Variants in ADGRB3 observed in about 807,000 individuals in gnomAD.
The protein encoded by ADGRB3 is brain-specific angiogenesis inhibitor 3.
A neutral mutation model predicts 193.4 loss-of-function variants in ADGRB3; 37 were observed. That is an observed-to-expected ratio of 0.19 (90% CI 0.15 to 0.25). The LOEUF is 0.25. Among genes scored for constraint, ADGRB3 ranks in the 10% least tolerant of loss-of-function variants. The pLI is 1.00. For synonymous variants in ADGRB3, 690 were observed against 644.2 expected (o/e 1.07, Z -1.08); for missense variants, 1,637 against 1,852.9 (o/e 0.88, Z 2.14).
chr6:68,901,415 A>G (rs58261635), intron 3 of ADGRB3, among the ~76,000 whole-genome samples: 70,719 of 151,920 alleles, frequency 0.47, 16,788 homozygotes, highest in African/African-American at 0.54. Context: ...AAGAATCCAC[A>G]GTCTTTTTAT....
chr6:69,011,167 G>GTGTGTA (rs531482642), intron 11 of ADGRB3, among the ~76,000 whole-genome samples: 6,830 of 142,890 alleles, frequency 0.048, 168 homozygotes, highest in Middle Eastern at 0.058. Flanking sequence ...GTGTGTGTGT[G>GTGTGTA]TATATATATA....
At chr6:69,211,245 C>T (rs974908633) in intron 17 of ADGRB3, among the ~76,000 whole-genome samples, 1 of 152,132 alleles carries the variant, frequency 6.6e-6, no homozygotes, top group Non-Finnish European at 1.5e-5. Flanking sequence ...GGTCGGCAAC[C>T]TATAGCTGGG....
chr6:68,862,333 C>T (rs1024701047), intron 3 of ADGRB3, among the ~76,000 whole-genome samples: 3 of 152,100 alleles, frequency 2.0e-5, no homozygotes, highest in African/African-American at 7.2e-5. Context: ...ATGTCTCTCA[C>T]TCACATTGGT....
intron 3 of ADGRB3, among the ~76,000 whole-genome samples, chr6:68,792,224 A>T (rs1319360152): frequency 1.3e-5 from 2 of 152,218 alleles, no homozygotes; most frequent in Non-Finnish European, 2.9e-5. Context: ...AAAGAAGTCT[A>T]GGTATAGACA....
chr6:68,822,551 G>A (rs1767765962), intron 3 of ADGRB3, among the ~76,000 whole-genome samples: 2 of 151,924 alleles, frequency 1.3e-5, no homozygotes, highest in African/African-American at 2.4e-5. Flanking sequence ...CTGAAGGCCA[G>A]TATTCCTATT....
intron 20 of ADGRB3, among the ~76,000 whole-genome samples, chr6:69,254,719 T>G (rs946009772): frequency 3.9e-5 from 6 of 151,938 alleles, no homozygotes; most frequent in Non-Finnish European, 2.9e-5. Flanking sequence ...TTTTTTTTAT[T>G]ATTATAATTT....
chr6:69,173,392 T>G (rs943483230), intron 17 of ADGRB3, among the ~76,000 whole-genome samples: 2 of 152,246 alleles, frequency 1.3e-5, no homozygotes, highest in Non-Finnish European at 1.5e-5. Context: ...CCACTGATTT[T>G]TCTTTTTTAA....
At chr6:68,701,936 G>A (rs149713532) in intron 3 of ADGRB3, among the ~76,000 whole-genome samples, 212 of 152,144 alleles carry the variant, frequency 1.4e-3, no homozygotes, top group Admixed American at 4.1e-3. Flanking sequence ...GATTTTTTTG[G>A]TGATTTATTT....
chr6:69,030,305 A>G (rs1225114940), intron 13 of ADGRB3, among the ~76,000 whole-genome samples: 1 of 152,162 alleles, frequency 6.6e-6, no homozygotes, highest in African/African-American at 2.4e-5. Context: ...CTATAAAGAC[A>G]CATGCACACA....
At chr6:68,646,357 A>G (rs1246621153) in intron 3 of ADGRB3, among the ~76,000 whole-genome samples, 8 of 151,666 alleles carry the variant, frequency 5.3e-5, no homozygotes, top group Non-Finnish European at 2.9e-5. Context: ...CATGCCTGCA[A>G]TCCCGACTTC....
intron 20 of ADGRB3, among the ~76,000 whole-genome samples, chr6:69,312,270 A>T (rs892214935): frequency 6.6e-6 from 1 of 151,778 alleles, no homozygotes; most frequent in Non-Finnish European, 1.5e-5. Context: ...AAATACAAGG[A>T]TGATGTCCAA....
intron 26 of ADGRB3, among the ~76,000 whole-genome samples, chr6:69,344,309 T>C (rs1041288224): frequency 3.9e-5 from 6 of 152,170 alleles, no homozygotes. Flanking sequence ...CCAGATGAGG[T>C]CCCAAAATCT....
chr6:69,241,374 A>G (rs1171406563), intron 20 of ADGRB3, among the ~76,000 whole-genome samples: 1 of 151,980 alleles, frequency 6.6e-6, no homozygotes, highest in East Asian at 1.9e-4. Flanking sequence ...ACAATATTTT[A>G]CAATCTTTTT....
intron 3 of ADGRB3, among the ~76,000 whole-genome samples, chr6:68,710,870 C>G (rs1765397153): frequency 6.6e-6 from 1 of 152,088 alleles, no homozygotes. Context: ...TTAAATCTCC[C>G]TGTGTTCTTG....
At chr6:69,327,788 A>G in intron 21 of ADGRB3, 32 bp from the exon 22 acceptor site, 1 of 1,595,924 alleles carries the variant, frequency 6.3e-7, no homozygotes. Context: ...GTTATAGCTA[A>G]ATATGAATGC....
At chr6:69,048,129 G>A in intron 13 of ADGRB3, 56 bp from the exon 14 acceptor site, 1 of 1,538,798 alleles carries the variant, frequency 6.5e-7, no homozygotes, top group East Asian at 2.3e-5. Context: ...GATCAACACT[G>A]ATTACACTAA....
rs548313657 is a variant in ADGRB3 at position 68,799,536 on chromosome 6, C to T, written c.758-131023C>T. ...CAAAAATGTTATTATTTACTATATT[C>T]CAATTTTTTTAAGTACTGTATCTAC... On this transcript the variant is annotated intron_variant, in intron 3 of 31. Coordinates refer to ENST00000370598, the MANE Select transcript of ADGRB3 (RefSeq NM_001704.3). 3.5e-3 allele frequency among the ~76,000 whole-genome samples: 536 copies of T among 152,162 alleles called. 2 individuals carry two copies. The highest frequency in any genetic ancestry group is 6.4e-3 in the Non-Finnish European group (438 of 68,004).
intron 3 of ADGRB3, among the ~76,000 whole-genome samples, chr6:68,727,028 A>G (rs2127328486): frequency 6.6e-6 from 1 of 151,658 alleles, no homozygotes; most frequent in Admixed American, 6.6e-5. Context: ...TTAATCAGAA[A>G]TGCTCTCCCA....
chr6:68,944,890 C>T (rs552278724), intron 6 of ADGRB3, among the ~76,000 whole-genome samples: 1 of 152,264 alleles, frequency 6.6e-6, no homozygotes, highest in Admixed American at 6.5e-5. Context: ...TAATCGCTCT[C>T]TTCTTGGGGA....
Sources: allele counts gnomAD v4.1 joint callset (sites outside exome capture counted in the v4.1 genomes callset), GRCh38; gene constraint gnomAD v4.1.1; transcripts MANE v1.5; gene names NCBI Gene and HGNC (gene_info 2026-07-23, HGNC 2026-07-21).